The following LRTM3 variants were observed in gnomAD, a reference collection of about 807,000 sequenced individuals.
The protein encoded by LRTM3 is leucine-rich repeat transmembrane protein 3.
the LRTM3 span, chr13:102,737,134 A>T: frequency 6.4e-7 from 1 of 1,551,144 alleles, no homozygotes; most frequent in Non-Finnish European, 8.7e-7. Context: ...CTGCCTCAAA[A>T]ATTGTGCCTT....
chr13:102,730,103 C>T, the LRTM3 span: 4 of 1,550,506 alleles, frequency 2.6e-6, no homozygotes, highest in Non-Finnish European at 3.5e-6. Context: ...TCTATATTTC[C>T]TGCTTTTGTG....
chr13:102,735,319 A>G, the LRTM3 span: 1 of 1,551,210 alleles, frequency 6.4e-7, no homozygotes, highest in Non-Finnish European at 8.7e-7. Context: ...CATCACTTGA[A>G]AGTTCTCCAT....
chr13:102,732,770 A>G, the LRTM3 span: 1 of 1,551,336 alleles, frequency 6.4e-7, no homozygotes, highest in African/African-American at 1.4e-5. Context: ...TTGCAGATGT[A>G]AAGCTCTGTT....
chr13:102,756,311 GAAAA>G, the LRTM3 span, among the ~76,000 whole-genome samples: 1 of 136,802 alleles, frequency 7.3e-6, no homozygotes, highest in African/African-American at 2.8e-5. Flanking sequence ...TCCTTAGTTC[GAAAA>G]AAAAAAAAAA....
chr13:102,758,923 G>A, the LRTM3 span: 2 of 1,508,294 alleles, frequency 1.3e-6, no homozygotes, highest in Non-Finnish European at 1.8e-6. Flanking sequence ...GAATAATATT[G>A]CTTTGACATT....
the LRTM3 span, chr13:102,758,281 A>G: frequency 3.3e-6 from 2 of 606,368 alleles, no homozygotes; most frequent in Non-Finnish European, 5.7e-6. Context: ...AGTAAATGTT[A>G]GATTGAATCA....
the LRTM3 span, chr13:102,742,682 G>C: frequency 1.3e-6 from 2 of 1,550,582 alleles, no homozygotes; most frequent in Non-Finnish European, 1.7e-6. Flanking sequence ...TTGTGAAACT[G>C]CTGATTGCTT....
the LRTM3 span, chr13:102,735,859 G>T: frequency 6.5e-7 from 1 of 1,541,298 alleles, no homozygotes; most frequent in Non-Finnish European, 8.8e-7. Flanking sequence ...GAGGAGGAGG[G>T]AATGAAGCAG....
the LRTM3 span, chr13:102,743,468 C>T: frequency 2.0e-4 from 303 of 1,549,924 alleles, no homozygotes; most frequent in Non-Finnish European, 2.5e-4. Context: ...AGTAAACTGC[C>T]CACTGATTTT....
the LRTM3 span, chr13:102,730,735 T>G: frequency 3.2e-6 from 5 of 1,551,822 alleles, no homozygotes; most frequent in East Asian, 1.2e-4. Flanking sequence ...CATTTACGTT[T>G]TTACACACTG....
At chr13:102,732,894 C>T in the LRTM3 span, 6 of 1,551,394 alleles carry the variant, frequency 3.9e-6, no homozygotes, top group Admixed American at 2.0e-5. Context: ...TGTTTTTCCT[C>T]CAGATCCCCT....
At chr13:102,734,289 T>C in the LRTM3 span, 1 of 1,551,326 alleles carries the variant, frequency 6.4e-7, no homozygotes, top group African/African-American at 1.4e-5. Flanking sequence ...GTTTTCTCTG[T>C]ATCTGGTAAT....
chr13:102,733,378 T>C, the LRTM3 span: 1 of 1,551,204 alleles, frequency 6.4e-7, no homozygotes, highest in Non-Finnish European at 8.7e-7. Context: ...AACCTGCAAG[T>C]TCTGGAGATA....
At chr13:102,742,572 G>T in the LRTM3 span, 1 of 1,550,532 alleles carries the variant, frequency 6.4e-7, no homozygotes, top group Non-Finnish European at 8.7e-7. Flanking sequence ...TTTGCTTCTT[G>T]ATCTATTAAA....
the LRTM3 span, chr13:102,734,469 G>A: frequency 9.0e-5 from 140 of 1,551,170 alleles, no homozygotes; most frequent in East Asian, 1.5e-4. Flanking sequence ...TGTTCCTTTC[G>A]TCCTTGCCCT....
chr13:102,746,735 T>C, the LRTM3 span: 791 of 1,551,002 alleles, frequency 5.1e-4, 11 homozygotes, highest in South Asian at 9.1e-3. Flanking sequence ...TATTTCTGTC[T>C]TTTCTTCTGC....
the LRTM3 span, chr13:102,731,623 C>T: frequency 1.9e-6 from 3 of 1,551,316 alleles, no homozygotes; most frequent in African/African-American, 4.1e-5. Flanking sequence ...TGTCTTGGAT[C>T]ATATTTTTAA....
the LRTM3 span, chr13:102,739,364 C>T: frequency 6.5e-7 from 1 of 1,549,862 alleles, no homozygotes; most frequent in Non-Finnish European, 8.7e-7. Flanking sequence ...ATTACTTAAA[C>T]TGTCTCTATT....
chr13:102,739,075 G>GTA, the LRTM3 span: 1 of 1,550,408 alleles, frequency 6.4e-7, no homozygotes, highest in South Asian at 1.2e-5. Flanking sequence ...TTCCTCTCAT[G>GTA]TATACCTCTT....
Sources: gnomAD v4.1 joint callset for allele counts (sites outside exome capture counted in the v4.1 genomes callset) on GRCh38, gnomAD v4.1.1 for gene constraint, MANE v1.5 for transcripts, NCBI Gene and HGNC (gene_info 2026-07-23, HGNC 2026-07-21) for gene names.